Variants in BICC1 observed in about 807,000 individuals in gnomAD.
BICC1 encodes the protein protein bicaudal C homolog 1.
A neutral mutation model predicts 111.0 loss-of-function variants in BICC1; 43 were observed. The observed-to-expected ratio is 0.39, with a 90% CI of 0.30 to 0.50. The LOEUF is 0.50. Among genes scored for constraint, BICC1 ranks in the 20% least tolerant of loss-of-function variants. BICC1 has a pLI of 0.88. For missense variants in BICC1, 1,091 were observed against 1,203.2 expected (o/e 0.91, Z 1.38); for synonymous variants, 467 against 434.4 (o/e 1.07, Z -0.93).
intron 3 of BICC1, among the ~76,000 whole-genome samples, chr10:58,749,648 ACC>A (rs1297056503): frequency 6.6e-6 from 1 of 152,110 alleles, no homozygotes; most frequent in Non-Finnish European, 1.5e-5. Context: ...ACTCATTTCA[ACC>A]TGTTTCTCAA....
At chr10:58,737,693 G>A (rs941226450) in intron 3 of BICC1, among the ~76,000 whole-genome samples, 12 of 152,120 alleles carry the variant, frequency 7.9e-5, no homozygotes, top group African/African-American at 2.2e-4. Context: ...CACAATGGTC[G>A]AACTAGTTTA....
At chr10:58,636,242 C>T (rs916801101) in intron 2 of BICC1, among the ~76,000 whole-genome samples, 1 of 152,154 alleles carries the variant, frequency 6.6e-6, no homozygotes, top group Non-Finnish European at 1.5e-5. Flanking sequence ...AGTCATATGA[C>T]TAGCCATTTG....
At chr10:58,537,886 C>T (rs1842863133) in intron 1 of BICC1, among the ~76,000 whole-genome samples, 1 of 151,066 alleles carries the variant, frequency 6.6e-6, no homozygotes, top group Admixed American at 6.6e-5. Flanking sequence ...AATAGTTATA[C>T]AAAAATATTT....
intron 2 of BICC1, among the ~76,000 whole-genome samples, chr10:58,640,242 A>G (rs1838082783): frequency 6.6e-6 from 1 of 152,142 alleles, no homozygotes; most frequent in South Asian, 2.1e-4. Context: ...GCCTGTGTTT[A>G]CTGACAACAT....
intron 18 of BICC1, chr10:58,814,402 G>C (rs368146206): frequency 4.7e-6 from 2 of 421,380 alleles, no homozygotes; most frequent in East Asian, 8.7e-5. Context: ...GTAGGTAGGT[G>C]CTCAGTAAAA....
In BICC1 at chr10:58,681,272, G is replaced by C. The variant is rs1185654463; in HGVS notation, c.238-20802G>C. Among the ~76,000 whole-genome samples, 6 of 152,236 alleles carry C rather than the reference G, an allele frequency of 3.9e-5. No individual in the cohort carries two copies. In the East Asian group the frequency reaches 9.6e-4, roughly 24 times the overall value. The stretch of plus-strand genomic sequence containing the variant: ...GAAAATTTTTGCAATCTATCCATCT[G>C]ACAAAGGCCTAATATACAGAATCTA... On this transcript the variant is annotated intron_variant, in intron 2 of 20. Coordinates refer to ENST00000373886, the MANE Select transcript of BICC1 (RefSeq NM_001080512.3).
In BICC1 at chr10:58,559,323, A is replaced by G. The variant is rs546258983; in HGVS notation, c.190+45990A>G. Reference sequence around the variant, plus strand: ...TACTCACTTTTTGCATGCTAAATTTATTTCTAGGCATTTGTGTTTTTTTTT... The same window carrying G: ...TACTCACTTTTTGCATGCTAAATTTGTTTCTAGGCATTTGTGTTTTTTTTT... On this transcript the variant is annotated intron_variant, in intron 1 of 20. Transcript: ENST00000373886. Among the ~76,000 whole-genome samples the G allele has an allele frequency of 7.9e-5, 12 of 151,984 alleles. No individual in the cohort carries two copies. The South Asian group carries it at 2.5e-3, about 32-fold the overall frequency.
intron 1 of BICC1, among the ~76,000 whole-genome samples, chr10:58,524,825 T>C (rs1036191563): frequency 6.6e-6 from 1 of 152,200 alleles, no homozygotes; most frequent in Non-Finnish European, 1.5e-5. Flanking sequence ...CCCAAAGGGC[T>C]AATATCCAGA....
chr10:58,613,340 C>T (rs573114142), intron 1 of BICC1, among the ~76,000 whole-genome samples: 86 of 152,204 alleles, frequency 5.7e-4, no homozygotes, highest in Non-Finnish European at 1.0e-3. Flanking sequence ...TATATCTGTG[C>T]TCATGTCACT....
At chr10:58,623,157 T>A (rs1845878700) in intron 2 of BICC1, among the ~76,000 whole-genome samples, 1 of 152,204 alleles carries the variant, frequency 6.6e-6, no homozygotes, top group African/African-American at 2.4e-5. Context: ...TAAAAATATA[T>A]GTAAAATCAT....
In BICC1 at chr10:58,682,535, T is replaced by G. The variant is rs571372631; in HGVS notation, c.238-19539T>G. ...CACATCCTCTCCAGCACCTGTTGTT[T>G]CCTGACTTTTTAATGATTGCCATTC... is the stretch of plus-strand genomic sequence containing the variant. On this transcript the variant is annotated intron_variant, in intron 2 of 20. Coordinates refer to ENST00000373886, the MANE Select transcript of BICC1 (RefSeq NM_001080512.3). Among the ~76,000 whole-genome samples the G allele has an allele frequency of 9.3e-3, 1,413 of 152,270 alleles. 15 individuals are homozygous for G. Among genetic ancestry groups the G allele is most frequent in the African/African-American group, 0.032 (1,324 of 41,566 alleles).
At chr10:58,537,226 A>G (rs918872608) in intron 1 of BICC1, among the ~76,000 whole-genome samples, 1 of 151,864 alleles carries the variant, frequency 6.6e-6, no homozygotes, top group African/African-American at 2.4e-5. Context: ...CCCAGTCAGT[A>G]TCATCCTGAT....
chr10:58,722,623 G>T (rs1027674070), intron 3 of BICC1, among the ~76,000 whole-genome samples: 29 of 152,138 alleles, frequency 1.9e-4, no homozygotes, highest in African/African-American at 7.0e-4. Context: ...CCATGATCAC[G>T]TTAGTTATCT....
intron 1 of BICC1, among the ~76,000 whole-genome samples, chr10:58,594,225 G>A (rs1391594684): frequency 1.3e-5 from 2 of 152,154 alleles, no homozygotes; most frequent in African/African-American, 4.8e-5. Flanking sequence ...ACAGGACTGT[G>A]TGAAAAGACT....
rs3076275 is a variant in BICC1 at position 58,703,164 on chromosome 10, C to CTTTT, written c.307+1035_307+1038dup. ...TCCTGTAGAAACTCCTATCTTGCTA[C>CTTTT]TTTTTTTTTTTTTTTTTGGAGACAG... On this transcript the variant is annotated intron_variant, in intron 3 of 20. Coordinates refer to ENST00000373886, the MANE Select transcript of BICC1 (RefSeq NM_001080512.3). Among the ~76,000 whole-genome samples, 74 of 130,366 alleles carry CTTTT rather than the reference C, an allele frequency of 5.7e-4. 2 individuals carry two copies. Among genetic ancestry groups the CTTTT allele is most frequent in the East Asian group, 3.4e-3 (15 of 4,460 alleles). The allele number at this position is 130,366 out of a possible 152,430, so 85.5% of individuals were successfully genotyped here.
chr10:58,681,061 A>G (rs555734639), intron 2 of BICC1, among the ~76,000 whole-genome samples: 6 of 152,372 alleles, frequency 3.9e-5, no homozygotes, highest in South Asian at 4.1e-4. Flanking sequence ...ACCTAAAGCC[A>G]TAGAAAGCCT....
At chr10:58,579,654 G>A (rs943144071) in intron 1 of BICC1, among the ~76,000 whole-genome samples, 1 of 152,250 alleles carries the variant, frequency 6.6e-6, no homozygotes, top group Admixed American at 6.5e-5. Flanking sequence ...ATCCCTAATT[G>A]TTCCTAATTT....
intron 13 of BICC1, 45 bp from the exon 14 acceptor site, chr10:58,800,845 T>C (rs1479720830): frequency 1.2e-5 from 19 of 1,526,766 alleles, no homozygotes; most frequent in African/African-American, 2.8e-5. Flanking sequence ...AACTGGAAGG[T>C]GATGTTGTTT....
At chr10:58,751,671 C>A (rs186028261) in intron 3 of BICC1, among the ~76,000 whole-genome samples, 1 of 152,152 alleles carries the variant, frequency 6.6e-6, no homozygotes, top group African/African-American at 2.4e-5. Context: ...ATAACTGTTT[C>A]TTACTGCTAG....
Sources: gnomAD v4.1 joint callset for allele counts (sites outside exome capture counted in the v4.1 genomes callset) on GRCh38, gnomAD v4.1.1 for gene constraint, MANE v1.5 for transcripts, NCBI Gene and HGNC (gene_info 2026-07-23, HGNC 2026-07-21) for gene names.